The following LYRM4 variants were observed in gnomAD, a reference collection of about 807,000 sequenced individuals.
LYRM4 encodes the protein LYR motif containing 4, also known as LYR motif-containing protein 4.
A neutral mutation model predicts 11.7 loss-of-function variants in LYRM4; 9 were observed. The ratio of observed to expected loss-of-function variants is 0.77; its 90% confidence interval spans 0.46 to 1.34. The LOEUF is 1.34. Ranked by LOEUF, LYRM4 falls within the 40% of genes most tolerant of loss-of-function variation. The pLI is 0.00. For synonymous variants in LYRM4, 42 were observed against 40.4 expected (o/e 1.04, Z -0.15); for missense variants, 133 against 112.5 (o/e 1.18, Z -0.82).
chr6:5,040,804 T>C, the LYRM4 span, among the ~76,000 whole-genome samples: 9 of 151,962 alleles, frequency 5.9e-5, no homozygotes, highest in African/African-American at 2.2e-4. Context: ...CCTGACTATA[T>C]AAAACCTAAT....
chr6:5,153,316 C>T (rs1758201338), intron 2 of LYRM4, among the ~76,000 whole-genome samples: 1 of 152,162 alleles, frequency 6.6e-6, no homozygotes, highest in Non-Finnish European at 1.5e-5. Flanking sequence ...CTGTCAAACT[C>T]CTGACCTCAA....
the LYRM4 span, chr6:5,054,572 A>T: frequency 6.5e-6 from 1 of 153,754 alleles, no homozygotes; most frequent in Non-Finnish European, 1.5e-5. Context: ...CGAGAAGTGC[A>T]AAACAAAAAT....
intron 2 of LYRM4, among the ~76,000 whole-genome samples, chr6:5,160,863 T>C (rs895116777): frequency 6.6e-6 from 1 of 152,130 alleles, no homozygotes; most frequent in Non-Finnish European, 1.5e-5. Context: ...TTTATAGACA[T>C]GGAAAAGCTC....
intron 1 of LYRM4, among the ~76,000 whole-genome samples, chr6:5,247,940 C>T (rs2127765374): frequency 6.6e-6 from 1 of 152,120 alleles, no homozygotes; most frequent in Admixed American, 6.5e-5. Context: ...TACATAAAAA[C>T]TGGATGAAAA....
At chr6:5,192,019 G>A (rs1373828731) in intron 2 of LYRM4, among the ~76,000 whole-genome samples, 3 of 152,160 alleles carry the variant, frequency 2.0e-5, no homozygotes, top group Non-Finnish European at 4.4e-5. Flanking sequence ...AAATGCAGGA[G>A]AGCTAATGCA....
At chr6:5,046,111 C>CT in the LYRM4 span, among the ~76,000 whole-genome samples, 1 of 151,822 alleles carries the variant, frequency 6.6e-6, no homozygotes, top group Non-Finnish European at 1.5e-5. Flanking sequence ...CTTACCACAG[C>CT]TTTTTTAAGG....
At chr6:5,102,808 T>C (rs1306315815), downstream of LYRM4, 3 of 152,224 alleles carry the variant, frequency 2.0e-5, no homozygotes, top group Non-Finnish European at 4.4e-5. Context: ...TCCAGCTCTA[T>C]TGGTGTCAGT....
chr6:5,164,517 G>A (rs1758955360), intron 2 of LYRM4, among the ~76,000 whole-genome samples: 1 of 152,122 alleles, frequency 6.6e-6, no homozygotes, highest in Admixed American at 6.5e-5. Flanking sequence ...TTTTATAGAA[G>A]GGAAAAAACA....
the LYRM4 span, among the ~76,000 whole-genome samples, chr6:5,058,573 T>G: frequency 6.6e-6 from 1 of 152,218 alleles, no homozygotes; most frequent in Non-Finnish European, 1.5e-5. Flanking sequence ...CAGCTCCATG[T>G]GACTCAGCTT....
the LYRM4 span, among the ~76,000 whole-genome samples, chr6:5,074,607 G>A: frequency 6.6e-6 from 1 of 151,170 alleles, no homozygotes; most frequent in Non-Finnish European, 1.5e-5. Flanking sequence ...AACAAGTGAG[G>A]AGTTGCTTTT....
At chr6:5,119,054 C>G (rs1423254168) in intron 2 of LYRM4, among the ~76,000 whole-genome samples, 2 of 152,150 alleles carry the variant, frequency 1.3e-5, no homozygotes, top group East Asian at 3.9e-4. Context: ...GTGAAAGAAG[C>G]CAGGGGTGCA....
the LYRM4 span, among the ~76,000 whole-genome samples, chr6:5,092,786 T>C: frequency 6.6e-6 from 1 of 152,232 alleles, no homozygotes; most frequent in Non-Finnish European, 1.5e-5. Context: ...TTTGTGTTCC[T>C]TTCAGTCTGG....
At chr6:5,158,953 G>A (rs1758581400) in intron 2 of LYRM4, among the ~76,000 whole-genome samples, 1 of 137,048 alleles carries the variant, frequency 7.3e-6, no homozygotes, top group African/African-American at 2.7e-5. Context: ...TGGGTGAGAA[G>A]GCAACCTTGG....
At chr6:5,132,212 T>G (rs986919401) in intron 2 of LYRM4, among the ~76,000 whole-genome samples, 17 of 152,324 alleles carry the variant, frequency 1.1e-4, no homozygotes, top group African/African-American at 3.6e-4. Context: ...ACTGGGCATG[T>G]GCTAAGCTTA....
chr6:5,216,495 AAC>A (rs1166043541), intron 2 of LYRM4, 121 bp downstream of exon 2: 6 of 1,113,946 alleles, frequency 5.4e-6, no homozygotes, highest in Non-Finnish European at 6.7e-6. Flanking sequence ...TAGTACAAGG[AAC>A]AGAGTTTCAT....
rs1554133084 is a variant in LYRM4, at chr6:5,162,511, G to GAGAGAGAGAA, written c.208-53021_208-53020insTTCTCTCTCT. Among the ~76,000 whole-genome samples the GAGAGAGAGAA allele has an allele frequency of 3.3e-3, 486 of 147,666 alleles. 3 individuals carry two copies. The highest frequency in any genetic ancestry group is 9.6e-3 in the African/African-American group (381 of 39,680). ...ACAGAGAGCGAGCGAGAGAGAGAGA[G>GAGAGAGAGAA]AGAGAGAGAGAAAGAGAAAGACAGG... On this transcript the variant is annotated intron_variant, in intron 2 of 2. Coordinates refer to ENST00000330636, the MANE Select transcript of LYRM4 (RefSeq NM_020408.6).
At chr6:5,175,195 C>G (rs1759649264) in intron 2 of LYRM4, among the ~76,000 whole-genome samples, 1 of 152,168 alleles carries the variant, frequency 6.6e-6, no homozygotes, top group Non-Finnish European at 1.5e-5. Context: ...GGGCTCAGAG[C>G]CAGTGCATAG....
chr6:5,225,274 T>A (rs1762818306), intron 1 of LYRM4, among the ~76,000 whole-genome samples: 1 of 151,086 alleles, frequency 6.6e-6, no homozygotes, highest in African/African-American at 2.4e-5. Context: ...AAAAGATGTT[T>A]AAAAAAAACT....
chr6:5,051,491 G>C, the LYRM4 span, among the ~76,000 whole-genome samples: 2 of 152,304 alleles, frequency 1.3e-5, no homozygotes, highest in African/African-American at 4.8e-5. Flanking sequence ...AAACCTTGGA[G>C]AGGCCAGAAG....
Sources: allele counts gnomAD v4.1 joint callset (sites outside exome capture counted in the v4.1 genomes callset), GRCh38; gene constraint gnomAD v4.1.1; transcripts MANE v1.5; gene names NCBI Gene and HGNC (gene_info 2026-07-23, HGNC 2026-07-21).